CUX1: variants seen among roughly 807,000 people sequenced by gnomAD.
The protein encoded by CUX1 is protein CASP.
Under a neutral mutation model 158.8 loss-of-function variants are expected in CUX1, and 31 were observed. The ratio of observed to expected loss-of-function variants is 0.20; its 90% confidence interval spans 0.15 to 0.26. The LOEUF (loss-of-function observed/expected upper bound fraction) is 0.26. Ranked by LOEUF, CUX1 falls within the 10% of genes least tolerant of loss-of-function variation. The probability of loss-of-function intolerance (pLI) is 1.00; values close to 1 mark genes in which losing one functional copy is unlikely to be tolerated. For synonymous variants in CUX1, 879 were observed against 862.1 expected (o/e 1.02, Z -0.34); for missense variants, 1,589 against 2,014.6 (o/e 0.79, Z 4.04).
chr7:102,202,348 A>G, intron 18 of CUX1, 144 bp downstream of exon 18: 1 of 1,173,524 alleles, frequency 8.5e-7, no homozygotes, highest in Non-Finnish European at 1.2e-6. Flanking sequence ...CCAGACTTCC[A>G]AGGTGCGGCT....
chr7:101,826,025 G>A (rs1793253485), intron 1 of CUX1, among the ~76,000 whole-genome samples: 1 of 152,018 alleles, frequency 6.6e-6, no homozygotes, highest in Admixed American at 6.6e-5. Context: ...TAGGCACAGA[G>A]TGGAGACCAC....
intron 7 of CUX1, among the ~76,000 whole-genome samples, chr7:102,113,052 A>G (rs576826977): frequency 2.6e-4 from 40 of 152,296 alleles, no homozygotes; most frequent in African/African-American, 8.9e-4. Flanking sequence ...CTGTAAATCA[A>G]TCCATTAAAG....
chr7:101,971,775 G>A (rs918986117), intron 2 of CUX1, among the ~76,000 whole-genome samples: 3 of 152,148 alleles, frequency 2.0e-5, no homozygotes, highest in South Asian at 4.1e-4. Context: ...TTTCATTGCC[G>A]GTTACAAGTT....
chr7:101,923,078 G>A (rs1267944280), intron 2 of CUX1, among the ~76,000 whole-genome samples: 1 of 152,174 alleles, frequency 6.6e-6, no homozygotes, highest in African/African-American at 2.4e-5. Context: ...GCGAGGTTAC[G>A]GGAGGTCTGC....
intron 2 of CUX1, among the ~76,000 whole-genome samples, chr7:101,955,374 C>T (rs1323046974): frequency 6.6e-6 from 1 of 152,214 alleles, no homozygotes; most frequent in Non-Finnish European, 1.5e-5. Flanking sequence ...CCCATTTATT[C>T]TCTCATTCAG....
chr7:101,866,974 G>A (rs1389612451), intron 1 of CUX1, among the ~76,000 whole-genome samples: 1 of 152,032 alleles, frequency 6.6e-6, no homozygotes, highest in Non-Finnish European at 1.5e-5. Context: ...TAATCCCTGC[G>A]CTTTGGGAGG....
At chr7:102,039,776 G>A (rs1821857230) in intron 3 of CUX1, among the ~76,000 whole-genome samples, 1 of 152,008 alleles carries the variant, frequency 6.6e-6, no homozygotes, top group East Asian at 1.9e-4. Flanking sequence ...GGAGCTTGGT[G>A]CATTGTCTCG....
chr7:101,962,380 T>G (rs1039988922), intron 2 of CUX1, among the ~76,000 whole-genome samples: 1 of 152,236 alleles, frequency 6.6e-6, no homozygotes, highest in Non-Finnish European at 1.5e-5. Context: ...ATCTTCCGTT[T>G]AAGTTTTTGG....
chr7:101,858,909 G>A (rs1487052149), intron 1 of CUX1, among the ~76,000 whole-genome samples: 1 of 151,988 alleles, frequency 6.6e-6, no homozygotes, highest in East Asian at 1.9e-4. Flanking sequence ...CAGGTGATCC[G>A]CTTCCCTCGG....
rs528338426 is a variant in CUX1, at chr7:102,272,144, G to A, written c.1256-1222G>A. Among the ~76,000 whole-genome samples, 12 of 152,370 alleles carry A rather than the reference G, an allele frequency of 7.9e-5. No homozygotes were observed. The South Asian group carries it at 1.0e-3, about 13-fold the overall frequency. Reference sequence around the variant, plus strand: ...TTTGGTCCCAGGTCGGGAAGCCTCCGTTCTTTGACTGTAAAATGTGAATCG... The same window carrying A: ...TTTGGTCCCAGGTCGGGAAGCCTCCATTCTTTGACTGTAAAATGTGAATCG... On this transcript the variant is annotated intron_variant, in intron 14 of 22. Coordinates refer to the CUX1 transcript ENST00000292538.
In CUX1 at chr7:102,239,479, G is replaced by A. The variant is rs1586391606; in HGVS notation, c.3782G>A (p.Arg1261Gln). The A allele has an allele frequency of 6.2e-6, 10 of 1,614,012 alleles. No homozygotes were observed. The East Asian group carries it at 1.6e-4, about 25-fold the overall frequency. Residue 1261 changes from arginine to glutamine, a missense_variant, in exon 23 of 24, where the codon CGA becomes CAA. Around this residue, in one of 8 missense-constraint regions of CUX1, gnomAD observed 259 missense variants for 373.8 expected, o/e 0.69. Transcript: ENST00000292535. ...CCGGAGGAGAAGGAGGCGCTGAAACGAGCGTATCAGCAAAAGCCATACCCG... is the reference window on the plus strand; with the variant it reads ...CCGGAGGAGAAGGAGGCGCTGAAACAAGCGTATCAGCAAAAGCCATACCCG... ...LAPEEKEALK[R>Q]AYQQKPYPSP...
chr7:101,973,807 C>T (rs1201734564), intron 2 of CUX1, among the ~76,000 whole-genome samples: 6 of 145,158 alleles, frequency 4.1e-5, no homozygotes, highest in Admixed American at 3.5e-4. Context: ...CTCACACTGT[C>T]GCCTGGGCTG....
intron 2 of CUX1, among the ~76,000 whole-genome samples, chr7:102,000,335 C>T (rs1311662268): frequency 1.3e-5 from 2 of 152,164 alleles, no homozygotes; most frequent in Admixed American, 6.5e-5. Flanking sequence ...AAATAGCAAT[C>T]GGACTCTGGA....
chr7:102,081,300 G>A (rs979591717), intron 4 of CUX1, among the ~76,000 whole-genome samples: 9 of 116,758 alleles, frequency 7.7e-5, no homozygotes, highest in South Asian at 2.7e-4. Flanking sequence ...CACCATTCAC[G>A]CAGGTGCTTT....
In CUX1 at chr7:102,253,519, G is replaced by C; in HGVS notation, c.*4477G>C. The C allele has an allele frequency of 1.0e-6, 1 of 985,460 alleles. No individual in the cohort carries two copies. The highest frequency in any genetic ancestry group is 1.2e-6 in the Non-Finnish European group (1 of 829,948). The allele number at this position is 985,460 out of a possible 1,614,324, so 61.0% of individuals were successfully genotyped here. A position where few individuals can be genotyped will look rare whatever the true frequency, so the allele number is the denominator to read the frequency against. Reference sequence around the variant, plus strand: ...CATGCATGTCCTTTGATGCAAGGGTGATCAATGAACTCTGTTGACATTCTA... The same window carrying C: ...CATGCATGTCCTTTGATGCAAGGGTCATCAATGAACTCTGTTGACATTCTA... On this transcript the variant is annotated 3_prime_UTR_variant, in exon 24 of 24. Coordinates refer to ENST00000292535, the MANE Select transcript of CUX1 (RefSeq NM_181552.4).
intron 4 of CUX1, among the ~76,000 whole-genome samples, chr7:102,072,448 A>G (rs569338028): frequency 5.9e-5 from 9 of 152,382 alleles, no homozygotes; most frequent in Admixed American, 2.0e-4. Context: ...TTGTACTTCT[A>G]TGCGAACGAA....
intron 9 of CUX1, among the ~76,000 whole-genome samples, chr7:102,159,164 C>T (rs529146020): frequency 8.3e-5 from 12 of 143,848 alleles, no homozygotes; most frequent in East Asian, 4.2e-4. Flanking sequence ...CATCTCACCA[C>T]GGTGTTATCC....
chr7:102,195,419 TGGAG>T, intron 13 of CUX1, 84 bp from the exon 14 acceptor site: 3 of 1,041,186 alleles, frequency 2.9e-6, no homozygotes, highest in African/African-American at 1.6e-5. Flanking sequence ...CGCGGACAGA[TGGAG>T]GGAGGCAGGG....
rs781789411 is a variant in CUX1 at position 102,197,355 on chromosome 7, T to C, written c.1894+50T>C. ...CCAGCGTGCGAGCCCGTCACAGAGT[T>C]GCACATGTGTGTGTGCATGCGTGCG... On this transcript the variant is annotated intron_variant, in intron 15 of 23. Coordinates refer to ENST00000292535, the MANE Select transcript of CUX1 (RefSeq NM_181552.4). 94 of 1,575,718 alleles carry C rather than the reference T, an allele frequency of 6.0e-5. No homozygotes were observed. In the Admixed American group the frequency reaches 1.6e-3, roughly 26 times the overall value.
Sources: allele counts gnomAD v4.1 joint callset (sites outside exome capture counted in the v4.1 genomes callset), GRCh38; gene constraint gnomAD v4.1.1; regional missense constraint gnomAD v4.1.1; transcripts MANE v1.5; gene names NCBI Gene and HGNC (gene_info 2026-07-23, HGNC 2026-07-21).